Variants in NRG1 observed in about 807,000 individuals in gnomAD.
The protein encoded by NRG1 is neuregulin 1, also known as pro-neuregulin-1, membrane-bound isoform.
NRG1 carries 18 observed loss-of-function variants against 63.8 expected under a neutral mutation model. The ratio of observed to expected loss-of-function variants is 0.28; its 90% CI spans 0.19 to 0.42. The LOEUF (loss-of-function observed/expected upper bound fraction) is 0.42, where lower values mean the gene tolerates loss of function less well. NRG1 is among the 10% of genes least tolerant of loss of function. The pLI is 1.00. For synonymous variants in NRG1, 302 were observed against 301.3 expected (o/e 1.00, Z -0.02); for missense variants, 762 against 814.7 (o/e 0.94, Z 0.79).
At chr8:32,211,729 C>T (rs1306561527) in intron 1 of NRG1, among the ~76,000 whole-genome samples, 1 of 152,160 alleles carries the variant, frequency 6.6e-6, no homozygotes, top group Non-Finnish European at 1.5e-5. Context: ...TACTCTATTA[C>T]TGCCTTTTAT....
intron 1 of NRG1, among the ~76,000 whole-genome samples, chr8:32,429,599 G>A (rs1299236667): frequency 6.6e-6 from 1 of 152,150 alleles, no homozygotes; most frequent in Non-Finnish European, 1.5e-5. Flanking sequence ...TTTGTTTTCA[G>A]TAGAGGAAAA....
chr8:32,705,952 T>C lies in NRG1; in HGVS notation c.503-21997T>C, dbSNP rs143666188. 1.3e-3 allele frequency among the ~76,000 whole-genome samples: 194 copies of C among 152,340 alleles called. 1 individual carries two copies. Among genetic ancestry groups the C allele is most frequent in the African/African-American group, 4.5e-3 (185 of 41,568 alleles). On this transcript the variant is annotated intron_variant, in intron 5 of 11. Transcript: ENST00000356819. Reference sequence around the variant, plus strand: ...CTTCCCCATTTTATCTTTGACTATTTCTATAAATTTCTTTTTAAAAATTGT... The same window carrying C: ...CTTCCCCATTTTATCTTTGACTATTCCTATAAATTTCTTTTTAAAAATTGT...
chr8:31,695,000 C>T (rs145139888), intron 1 of NRG1, among the ~76,000 whole-genome samples: 30 of 152,092 alleles, frequency 2.0e-4, no homozygotes, highest in East Asian at 1.5e-3. Flanking sequence ...GAGTAATTTA[C>T]GAAGCAAAGA....
At chr8:31,859,017 A>G (rs1828221308) in intron 1 of NRG1, among the ~76,000 whole-genome samples, 2 of 152,200 alleles carry the variant, frequency 1.3e-5, no homozygotes, top group Non-Finnish European at 2.9e-5. Flanking sequence ...TATGCTACAG[A>G]AATAAACAAA....
intron 1 of NRG1, among the ~76,000 whole-genome samples, chr8:32,460,314 T>C (rs1822157947): frequency 6.6e-6 from 1 of 152,252 alleles, no homozygotes; most frequent in South Asian, 2.1e-4. Flanking sequence ...AGAGCCTTGA[T>C]AGATGAAAGT....
At chr8:32,053,210 C>T (rs1398353048) in intron 1 of NRG1, among the ~76,000 whole-genome samples, 1 of 152,078 alleles carries the variant, frequency 6.6e-6, no homozygotes, top group Non-Finnish European at 1.5e-5. Context: ...GCTCTGTGGC[C>T]GCTAAGTCTC....
chr8:32,019,221 C>T (rs1297847071), intron 1 of NRG1, among the ~76,000 whole-genome samples: 2 of 152,182 alleles, frequency 1.3e-5, no homozygotes, highest in Admixed American at 6.5e-5. Context: ...GCCTCAGCCT[C>T]CCGAGTAGCT....
intron 1 of NRG1, among the ~76,000 whole-genome samples, chr8:32,412,625 G>C (rs1044286143): frequency 2.0e-5 from 3 of 151,484 alleles, no homozygotes; most frequent in African/African-American, 7.3e-5. Context: ...ACACAAACCT[G>C]GATGGTTTGC....
intron 6 of NRG1, among the ~76,000 whole-genome samples, chr8:32,731,278 C>T (rs1190187350): frequency 2.0e-5 from 3 of 152,264 alleles, no homozygotes; most frequent in East Asian, 1.9e-4. Flanking sequence ...GTAGTAAAAA[C>T]GTGCTATATT....
chr8:32,595,714 G>A (rs949755117), intron 1 of NRG1, 114 bp from the exon 2 acceptor site: 21 of 908,556 alleles, frequency 2.3e-5, no homozygotes, highest in African/African-American at 1.6e-4. Context: ...TTTTCTCTCT[G>A]TTAATAAAAC....
chr8:31,669,373 G>A (rs1294912431), intron 1 of NRG1, among the ~76,000 whole-genome samples: 1 of 152,038 alleles, frequency 6.6e-6, no homozygotes, highest in Non-Finnish European at 1.5e-5. Context: ...AAGCAGCTGG[G>A]ATTACAGGCA....
chr8:32,548,916 C>A (rs1833524294), intron 1 of NRG1, 90 bp downstream of exon 1: 1 of 1,433,180 alleles, frequency 7.0e-7, no homozygotes, highest in Middle Eastern at 2.5e-4. Flanking sequence ...TCTCCCTCCC[C>A]CTCTCCCTCG....
intron 1 of NRG1, among the ~76,000 whole-genome samples, chr8:32,320,643 C>T (rs945448807): frequency 9.2e-5 from 14 of 152,120 alleles, no homozygotes; most frequent in Non-Finnish European, 1.8e-4. Flanking sequence ...GGGAAATCTG[C>T]CCCCATGGTT....
chr8:31,655,042 A>T (rs1411581984), intron 1 of NRG1, among the ~76,000 whole-genome samples: 3 of 152,126 alleles, frequency 2.0e-5, no homozygotes, highest in Non-Finnish European at 4.4e-5. Flanking sequence ...TTCCCACCCT[A>T]TGGGAGAAAT....
At chr8:32,407,319 T>TAATATATATATATATA (rs71208179) in intron 1 of NRG1, among the ~76,000 whole-genome samples, 1 of 3,654 alleles carries the variant, frequency 2.7e-4, no homozygotes, top group Admixed American at 3.6e-3. Context: ...TATATATATA[T>TAATATATATATATATA]TATATATATA....
intron 1 of NRG1, among the ~76,000 whole-genome samples, chr8:32,317,285 A>G (rs7839258): frequency 0.028 from 4,275 of 152,324 alleles, 209 homozygotes; most frequent in African/African-American, 0.097. Flanking sequence ...TACATTTCCC[A>G]GGGTTCTGAT....
chr8:31,717,196 C>T (rs1210128453), intron 1 of NRG1, among the ~76,000 whole-genome samples: 1 of 152,034 alleles, frequency 6.6e-6, no homozygotes, highest in African/African-American at 2.4e-5. Context: ...CACTTGAGGT[C>T]AGGAGTTTGA....
At chr8:32,533,885 T>A (rs1172126122) in intron 1 of NRG1, among the ~76,000 whole-genome samples, 4 of 152,112 alleles carry the variant, frequency 2.6e-5, no homozygotes, top group Non-Finnish European at 5.9e-5. Context: ...TCAGACAGGA[T>A]CTTTATTTTC....
intron 5 of NRG1, chr8:32,647,010 C>T (rs1563843582): frequency 1.0e-6 from 1 of 984,852 alleles, no homozygotes; most frequent in East Asian, 1.1e-4. Context: ...TGAATGAGCA[C>T]TCAAGAAGGA....
Sources: gnomAD v4.1 joint callset for allele counts (sites outside exome capture counted in the v4.1 genomes callset) on GRCh38, gnomAD v4.1.1 for gene constraint, MANE v1.5 for transcripts, NCBI Gene and HGNC (gene_info 2026-07-23, HGNC 2026-07-21) for gene names.